C9orf40: variants seen among roughly 807,000 people sequenced by gnomAD.
C9orf40 encodes the protein chromosome 9 open reading frame 40.
C9orf40 carries 2 observed loss-of-function variants against 7.9 expected under a neutral mutation model. The observed-to-expected ratio is 0.25, with a 90% CI of 0.10 to 0.80. The LOEUF (loss-of-function observed/expected upper bound fraction) is 0.80. Ranked by LOEUF, C9orf40 falls within the 30% of genes least tolerant of loss-of-function variation. C9orf40 has a pLI of 0.68. For synonymous variants in C9orf40, 113 were observed against 117.6 expected (o/e 0.96, Z 0.25); for missense variants, 256 against 268.5 (o/e 0.95, Z 0.33).
Position 74,952,857 on chromosome 9 carries a change from G to A in C9orf40, c.-246C>T, listed in dbSNP as rs1832325461. ...CGAGATGCGGCCCGGACGTTGAGAA[G>A]CAACCGCGAAGCGGCGGAGATTCGA... is the stretch of plus-strand genomic sequence containing the variant. On this transcript the variant is annotated 5_prime_UTR_variant, in exon 1 of 2. Transcript: ENST00000376854. This position sits in a 1 kb window ranked among gnomAD's most constrained non-coding sequence, Gnocchi z 5.4. The A allele has an allele frequency of 2.1e-5, 10 of 470,288 alleles. No homozygotes were observed. The highest frequency in any genetic ancestry group is 3.0e-5 in the Non-Finnish European group (8 of 267,244). 29.1% of individuals were successfully genotyped at this position (470,288 alleles called of 1,614,324 possible).
intron 1 of C9orf40, among the ~76,000 whole-genome samples, chr9:74,951,586 C>T (rs750025074): frequency 2.6e-5 from 4 of 152,304 alleles, no homozygotes; most frequent in Non-Finnish European, 4.4e-5. Context: ...ACACCACGCC[C>T]CGCCCCCAAA....
Position 74,952,162 on chromosome 9 carries a change from AGCCCAC to A in C9orf40, c.426+18_426+23del. 2.5e-6 allele frequency: 1 copy of A among 399,272 alleles called. No homozygotes were observed. Among genetic ancestry groups the A allele is most frequent in the Non-Finnish European group, 4.0e-6 (1 of 252,760 alleles). 24.7% of individuals were successfully genotyped at this position (399,272 alleles called of 1,614,324 possible). A position where few individuals can be genotyped will look rare whatever the true frequency, so the allele number is the denominator to read the frequency against. On this transcript the variant is annotated intron_variant, in intron 1 of 1. Coordinates refer to ENST00000376854, the MANE Select transcript of C9orf40 (RefSeq NM_017998.3). This position sits in a 1 kb window ranked among gnomAD's most constrained non-coding sequence, Gnocchi z 5.4. ...GAAAAGGCAAGCCCCTTCGCCCCTC[AGCCCAC>A]CCGCCCCCAGCCCCTACCTGGCGCG...
Position 74,952,713 on chromosome 9 carries a change from C to G in C9orf40, c.-102G>C. 8.6e-7 allele frequency: 1 copy of G among 1,158,694 alleles called. No homozygotes were observed. The highest frequency in any genetic ancestry group is 2.7e-5 in the Admixed American group (1 of 37,294). 71.8% of individuals were successfully genotyped at this position (1,158,694 alleles called of 1,614,324 possible). Reference sequence around the variant, plus strand: ...ACTGAGCGCGTGAGAGAGGGACAGGCCGAAGTCGGGCGAGGAGGCGACAGG... The same window carrying G: ...ACTGAGCGCGTGAGAGAGGGACAGGGCGAAGTCGGGCGAGGAGGCGACAGG... On this transcript the variant is annotated 5_prime_UTR_variant, in exon 1 of 2. Transcript: ENST00000376854. This position sits in a 1 kb window ranked among gnomAD's most constrained non-coding sequence, Gnocchi z 5.4.
At chr9:74,949,550 T>C (rs935028700) in intron 1 of C9orf40, among the ~76,000 whole-genome samples, 12 of 152,346 alleles carry the variant, frequency 7.9e-5, no homozygotes, top group African/African-American at 2.9e-4. Flanking sequence ...CGTAACATTA[T>C]CCTGCCTAGA....
In C9orf40 at chr9:74,946,710, C is replaced by T. The variant is rs1832244454; in HGVS notation, c.*1338G>A. The T allele has an allele frequency of 6.6e-6, 1 of 152,042 alleles. No homozygotes were observed. The highest frequency in any genetic ancestry group is 1.5e-5 in the Non-Finnish European group (1 of 67,982). 9.4% of individuals were successfully genotyped at this position (152,042 alleles called of 1,614,324 possible). ...TACAAGACTTTGAACCATGTCTGACCACAATGCAATACAGTTTGTCTTCTG... is the reference window on the plus strand; with the variant it reads ...TACAAGACTTTGAACCATGTCTGACTACAATGCAATACAGTTTGTCTTCTG... On this transcript the variant is annotated 3_prime_UTR_variant, in exon 2 of 2. Coordinates refer to ENST00000376854, the MANE Select transcript of C9orf40 (RefSeq NM_017998.3).
chr9:74,946,932 T>A lies in C9orf40; in HGVS notation c.*1116A>T, dbSNP rs1427646328. 6.6e-6 allele frequency: 1 copy of A among 152,186 alleles called. No individual in the cohort carries two copies. Among genetic ancestry groups the A allele is most frequent in the Non-Finnish European group, 1.5e-5 (1 of 68,034 alleles). The allele number at this position is 152,186 out of a possible 1,614,324, so 9.4% of individuals were successfully genotyped here. A position where few individuals can be genotyped will look rare whatever the true frequency, so the allele number is the denominator to read the frequency against. Reference sequence around the variant, plus strand: ...CAACATTCTGGATGCAGTACAAAAGTTAGTTAACTTAATCACTGATACTCA... The same window carrying A: ...CAACATTCTGGATGCAGTACAAAAGATAGTTAACTTAATCACTGATACTCA... On this transcript the variant is annotated 3_prime_UTR_variant, in exon 2 of 2. Transcript: ENST00000376854.
chr9:74,951,595 A>T (rs1464538381), intron 1 of C9orf40, among the ~76,000 whole-genome samples: 1 of 152,090 alleles, frequency 6.6e-6, no homozygotes, highest in Non-Finnish European at 1.5e-5. Flanking sequence ...CCCGCCCCCA[A>T]ATTAATTTTC....
At position 74,952,239 on chromosome 9, in the gene C9orf40, C is replaced by T; in HGVS notation, c.373G>A (p.Gly125Arg). ...ARLPGGGGDD[G>R]AGRAGPPRGD... The stretch of plus-strand genomic sequence containing the variant: ...CGCGGGGGTCCTGCGCGCCCCGCCC[C>T]GTCGTCGCCACCGCCCCCCGGGAGC... Residue 125 changes from glycine to arginine, a missense_variant, in exon 1 of 2, where the codon GGG becomes AGG. Transcript: ENST00000376854. This position sits in a 1 kb window ranked among gnomAD's most constrained non-coding sequence, Gnocchi z 5.4. 1 of 1,256,558 alleles carries T rather than the reference C, an allele frequency of 8.0e-7. No homozygotes were observed. Among genetic ancestry groups the T allele is most frequent in the Non-Finnish European group, 1.0e-6 (1 of 1,003,272 alleles). 77.8% of individuals were successfully genotyped at this position (1,256,558 alleles called of 1,614,324 possible).
chr9:74,952,163 G>GGGCCC lies in C9orf40; in HGVS notation c.426+22_426+23insGGGCC. The GGGCCC allele has an allele frequency of 2.8e-6, 1 of 351,746 alleles. No homozygotes were observed. The highest frequency in any genetic ancestry group is 4.7e-6 in the Non-Finnish European group (1 of 211,700). 21.8% of individuals were successfully genotyped at this position (351,746 alleles called of 1,614,324 possible). A position where few individuals can be genotyped will look rare whatever the true frequency, so the allele number is the denominator to read the frequency against. On this transcript the variant is annotated intron_variant, in intron 1 of 1. Transcript: ENST00000376854. This position sits in a 1 kb window ranked among gnomAD's most constrained non-coding sequence, Gnocchi z 5.4. Reference sequence around the variant, plus strand: ...AAAAGGCAAGCCCCTTCGCCCCTCAGCCCACCCGCCCCCAGCCCCTACCTG... The same window carrying GGGCCC: ...AAAAGGCAAGCCCCTTCGCCCCTCAGGGCCCCCCACCCGCCCCCAGCCCCTACCTG...
rs896454641 is a variant in C9orf40, at chr9:74,946,762, C to T, written c.*1286G>A. The T allele has an allele frequency of 6.6e-6, 1 of 152,076 alleles. No homozygotes were observed. The highest frequency in any genetic ancestry group is 1.5e-5 in the Non-Finnish European group (1 of 68,006). 9.4% of individuals were successfully genotyped at this position (152,076 alleles called of 1,614,324 possible). ...TCTAAAGCATTCTTATTAATGTCAA[C>T]CCATTCTTAAATCCTTCATTACACA... On this transcript the variant is annotated 3_prime_UTR_variant, in exon 2 of 2. Coordinates refer to ENST00000376854, the MANE Select transcript of C9orf40 (RefSeq NM_017998.3).
At position 74,947,131 on chromosome 9, in the gene C9orf40, T is replaced by C. The variant is rs184119636; in HGVS notation, c.*917A>G. The C allele has an allele frequency of 6.6e-6, 1 of 152,642 alleles. No individual in the cohort carries two copies. Among genetic ancestry groups the C allele is most frequent in the Admixed American group, 6.5e-5 (1 of 15,294 alleles). 9.5% of individuals were successfully genotyped at this position (152,642 alleles called of 1,614,324 possible). A position where few individuals can be genotyped will look rare whatever the true frequency, so the allele number is the denominator to read the frequency against. ...GGAAAAACGACCATTAGTCTACTGG[T>C]TCTCAACCCTGTCTGCACATGAGAG... On this transcript the variant is annotated 3_prime_UTR_variant, in exon 2 of 2. Coordinates refer to ENST00000376854, the MANE Select transcript of C9orf40 (RefSeq NM_017998.3).
In C9orf40 at chr9:74,952,875, A is replaced by C. The variant is rs965483805; in HGVS notation, c.-264T>G. The C allele has an allele frequency of 6.5e-6, 3 of 459,180 alleles. No homozygotes were observed. The highest frequency in any genetic ancestry group is 2.1e-5 in the African/African-American group (1 of 48,560). 28.4% of individuals were successfully genotyped at this position (459,180 alleles called of 1,614,324 possible). A position where few individuals can be genotyped will look rare whatever the true frequency, so the allele number is the denominator to read the frequency against. ...TTGAGAAGCAACCGCGAAGCGGCGG[A>C]GATTCGAACCTGCGCACAACGTGCG... On this transcript the variant is annotated 5_prime_UTR_variant, in exon 1 of 2. Coordinates refer to ENST00000376854, the MANE Select transcript of C9orf40 (RefSeq NM_017998.3). The surrounding 1 kb of genome is among the most constrained non-coding windows in gnomAD (Gnocchi z 5.4).
intron 1 of C9orf40, among the ~76,000 whole-genome samples, chr9:74,948,980 A>C (rs1317482539): frequency 6.6e-6 from 1 of 152,184 alleles, no homozygotes; most frequent in Admixed American, 6.5e-5. Flanking sequence ...ACATGGACCA[A>C]AAAAAGGTCT....
In C9orf40 at chr9:74,948,216, A is replaced by G; in HGVS notation, c.427-10T>C. Reference sequence around the variant, plus strand: ...AAAATTCTTCATTGTGCTTTAGAGAAAAAAGAGAGATCAAAGAGCATCAAT... The same window carrying G: ...AAAATTCTTCATTGTGCTTTAGAGAGAAAAGAGAGATCAAAGAGCATCAAT... On this transcript the variant is annotated splice_polypyrimidine_tract_variant and intron_variant, in intron 1 of 1. Transcript: ENST00000376854. 1 of 1,592,810 alleles carries G rather than the reference A, an allele frequency of 6.3e-7. No individual in the cohort carries two copies. The highest frequency in any genetic ancestry group is 1.8e-5 in the Admixed American group (1 of 57,002).
chr9:74,951,807 C>T (rs1832302749), intron 1 of C9orf40, among the ~76,000 whole-genome samples: 1 of 152,224 alleles, frequency 6.6e-6, no homozygotes. Context: ...CCCAGGAAGG[C>T]CCTCTACACC....
At chr9:74,949,121 T>C (rs1832272934) in intron 1 of C9orf40, among the ~76,000 whole-genome samples, 1 of 152,218 alleles carries the variant, frequency 6.6e-6, no homozygotes, top group Admixed American at 6.5e-5. Flanking sequence ...GGAGGACTGT[T>C]GTAAAAATTC....
chr9:74,952,647 G>A lies in C9orf40; in HGVS notation c.-36C>T, dbSNP rs745399526. On this transcript the variant is annotated 5_prime_UTR_variant, in exon 1 of 2. Coordinates refer to ENST00000376854, the MANE Select transcript of C9orf40 (RefSeq NM_017998.3). The surrounding 1 kb of genome is among the most constrained non-coding windows in gnomAD (Gnocchi z 5.4). ...GCTCGGGCGGAGCCCGCCAGGCGCG[G>A]GAGACCGAGTGCCGATAGCTGCGGG... 1.3e-6 allele frequency: 2 copies of A among 1,511,724 alleles called. No homozygotes were observed. The highest frequency in any genetic ancestry group is 1.2e-5 in the South Asian group (1 of 81,426). The allele number at this position is 1,511,724 out of a possible 1,614,324, so 93.6% of individuals were successfully genotyped here.
At chr9:74,949,805 T>G (rs943888881) in intron 1 of C9orf40, among the ~76,000 whole-genome samples, 1 of 152,124 alleles carries the variant, frequency 6.6e-6, no homozygotes, top group Non-Finnish European at 1.5e-5. Context: ...AGAGCATGAT[T>G]GTAAAAGAGA....
Position 74,948,211 on chromosome 9 carries a change from A to G in C9orf40, c.427-5T>C, listed in dbSNP as rs1587635032. The G allele has an allele frequency of 6.3e-7, 1 of 1,593,738 alleles. No homozygotes were observed. Among genetic ancestry groups the G allele is most frequent in the Non-Finnish European group, 8.5e-7 (1 of 1,169,614 alleles). ...CTGCCAAAATTCTTCATTGTGCTTT[A>G]GAGAAAAAAGAGAGATCAAAGAGCA... On this transcript the variant is annotated splice_polypyrimidine_tract_variant and splice_region_variant and intron_variant, in intron 1 of 1. Transcript: ENST00000376854.
Sources: allele counts gnomAD v4.1 joint callset (sites outside exome capture counted in the v4.1 genomes callset), GRCh38; gene constraint gnomAD v4.1.1; non-coding constraint Gnocchi (gnomAD v3.1); transcripts MANE v1.5; gene names NCBI Gene and HGNC (gene_info 2026-07-23, HGNC 2026-07-21).